The following WNT2B variants were observed in gnomAD, a reference collection of about 807,000 sequenced individuals.
WNT2B encodes the protein Wnt family member 2B.
Under a neutral mutation model 40.5 loss-of-function variants are expected in WNT2B, and 19 were observed. The observed-to-expected ratio is 0.47, with a 90% CI of 0.33 to 0.69. The LOEUF (loss-of-function observed/expected upper bound fraction) is 0.69, where lower values mean the gene tolerates loss of function less well. Among genes scored for constraint, WNT2B ranks in the 30% least tolerant of loss-of-function variants. WNT2B has a pLI of 0.02. For synonymous variants in WNT2B, 220 were observed against 211.9 expected (o/e 1.04, Z -0.33); for missense variants, 467 against 556.4 (o/e 0.84, Z 1.62).
chr1:112,526,238 C>CAAAAGAGCCATTGG lies in WNT2B; in HGVS notation c.*5729_*5730insAAAAGAGCCATTGG. The CAAAAGAGCCATTGG allele has an allele frequency of 7.6e-7, 1 of 1,319,074 alleles. No homozygotes were observed. Among genetic ancestry groups the CAAAAGAGCCATTGG allele is most frequent in the Non-Finnish European group, 1.0e-6 (1 of 964,776 alleles). 81.7% of individuals were successfully genotyped at this position (1,319,074 alleles called of 1,614,324 possible). The stretch of plus-strand genomic sequence containing the variant: ...CCTCCTGAACCTTATCAACCAATGG[C>CAAAAGAGCCATTGG]TCTTTTGCCATTTCTGCCACTATTA... On this transcript the variant is annotated 3_prime_UTR_variant, in exon 5 of 5. Transcript: ENST00000369684.
In WNT2B at chr1:112,484,312, G is replaced by T. The variant is rs189807439; in HGVS notation, c.-95+16721G>T. Among the ~76,000 whole-genome samples the T allele has an allele frequency of 8.5e-3, 1,120 of 131,292 alleles. 25 individuals carry two copies. Among genetic ancestry groups the T allele is most frequent in the African/African-American group, 0.033 (1,043 of 31,910 alleles). 86.1% of individuals were successfully genotyped at this position (131,292 alleles called of 152,430 possible). A position where few individuals can be genotyped will look rare whatever the true frequency, so the allele number is the denominator to read the frequency against. On this transcript the variant is annotated intron_variant, in intron 1 of 4. Coordinates refer to the WNT2B transcript ENST00000256640. ...ATATACACACACATATATATAGAGA[G>T]AGAGAGAGAGAAGAGGGTCTCACTT...
intron 1 of WNT2B, among the ~76,000 whole-genome samples, chr1:112,486,509 A>C (rs1296323936): frequency 6.6e-6 from 1 of 152,202 alleles, no homozygotes; most frequent in Non-Finnish European, 1.5e-5. Flanking sequence ...GATAAATTGG[A>C]CTTTATCAAA....
rs1224736280 is a variant in WNT2B, at chr1:112,514,863, C to T, written c.183-11C>T. On this transcript the variant is annotated splice_polypyrimidine_tract_variant and intron_variant, in intron 1 of 4. Transcript: ENST00000369684. ...CTGGGATGTTCTGACAGGGCCATCT[C>T]TGCCTTGCAGGTACATTGGGGCACT... The T allele has an allele frequency of 2.5e-6, 4 of 1,614,070 alleles. No homozygotes were observed. The Admixed American group carries it at 6.7e-5, about 27-fold the overall frequency.
intron 1 of WNT2B, among the ~76,000 whole-genome samples, chr1:112,501,649 G>A (rs529180303): frequency 7.5e-6 from 1 of 132,820 alleles, no homozygotes; most frequent in South Asian, 3.2e-4. Flanking sequence ...TGGCTCCTGA[G>A]TTTATGTTAA....
At chr1:112,485,229 T>C (rs1481796586) in intron 1 of WNT2B, among the ~76,000 whole-genome samples, 1 of 152,128 alleles carries the variant, frequency 6.6e-6, no homozygotes, top group Non-Finnish European at 1.5e-5. Flanking sequence ...GGGAGGCCAA[T>C]GCTGGCAGAT....
intron 1 of WNT2B, among the ~76,000 whole-genome samples, chr1:112,478,747 C>G (rs1448273973): frequency 6.6e-6 from 1 of 151,972 alleles, no homozygotes; most frequent in African/African-American, 2.4e-5. Flanking sequence ...ATGGCAAAAC[C>G]TCATCTCCAC....
chr1:112,516,537 GCCC>G, intron 3 of WNT2B, 120 bp downstream of exon 3: 1 of 1,343,096 alleles, frequency 7.4e-7, no homozygotes, highest in Non-Finnish European at 1.0e-6. Context: ...ACTTCCAAAA[GCCC>G]CAACATCCTG....
chr1:112,529,643 C>T lies in WNT2B; in HGVS notation c.*9134C>T, dbSNP rs1421505147. 6.7e-6 allele frequency: 1 copy of T among 149,334 alleles called. No individual in the cohort carries two copies. The highest frequency in any genetic ancestry group is 2.5e-5 in the African/African-American group (1 of 40,434). 9.3% of individuals were successfully genotyped at this position (149,334 alleles called of 1,614,324 possible). ...GTCTCAACTTGTATAACTGGTTAAG[C>T]AACCAGGGAAATGTTATTGCTCAAA... On this transcript the variant is annotated 3_prime_UTR_variant, in exon 5 of 5. Coordinates refer to ENST00000369684, the MANE Select transcript of WNT2B (RefSeq NM_024494.3).
chr1:112,519,237 A>G lies in WNT2B; in HGVS notation c.947-1043A>G, dbSNP rs537161932. Among the ~76,000 whole-genome samples, 3 of 152,332 alleles carry G rather than the reference A, an allele frequency of 2.0e-5. No individual in the cohort carries two copies. The South Asian group carries it at 6.2e-4, about 32-fold the overall frequency. The stretch of plus-strand genomic sequence containing the variant: ...ATATATCTCCATTATATGTATATTT[A>G]TTTATACCTGTGTTCCACTATATGA... On this transcript the variant is annotated intron_variant, in intron 4 of 4. Transcript: ENST00000369684.
Position 112,491,489 on chromosome 1 carries a change from A to G in WNT2B, c.-94-23385A>G, listed in dbSNP as rs190751854. ...TGTTGAACTGTTCAGGAAAGACTAC[A>G]TGGAATAGGGCCTTGAAAGAAGGGC... On this transcript the variant is annotated intron_variant, in intron 1 of 4. Transcript: ENST00000256640. Among the ~76,000 whole-genome samples, 34 of 152,334 alleles carry G rather than the reference A, an allele frequency of 2.2e-4. No individual in the cohort carries two copies. The East Asian group carries it at 5.6e-3, about 25-fold the overall frequency.
chr1:112,499,593 C>A (rs978256797), intron 1 of WNT2B, among the ~76,000 whole-genome samples: 1 of 152,194 alleles, frequency 6.6e-6, no homozygotes, highest in South Asian at 2.1e-4. Context: ...CAAAACCCCA[C>A]ACCCATTCAT....
intron 1 of WNT2B, among the ~76,000 whole-genome samples, chr1:112,493,295 T>G (rs975160580): frequency 6.6e-6 from 1 of 152,160 alleles, no homozygotes; most frequent in South Asian, 2.1e-4. Flanking sequence ...GGAAAGAGGC[T>G]CTGCACATAA....
rs763797896 is a variant in WNT2B at position 112,513,232 on chromosome 1, CCAAA to C, written c.183-1637_183-1634del. Among the ~76,000 whole-genome samples the C allele has an allele frequency of 2.6e-5, 4 of 152,328 alleles. No individual in the cohort carries two copies. In the South Asian group the frequency reaches 8.3e-4, roughly 32 times the overall value. On this transcript the variant is annotated intron_variant, in intron 1 of 4. Transcript: ENST00000369684. ...CTCCAACTCCAACGGTCTTGATTCT[CCAAA>C]CAAAGCACCACAGCAGTGGGTGTAA...
chr1:112,471,026 G>A (rs767547101), intron 1 of WNT2B, among the ~76,000 whole-genome samples: 3 of 152,146 alleles, frequency 2.0e-5, no homozygotes, highest in Non-Finnish European at 4.4e-5. Context: ...TGCACATTTG[G>A]GTCCAGCCAG....
rs900167230 is a variant in WNT2B at position 112,509,835 on chromosome 1, G to T, written c.182+391G>T. Among the ~76,000 whole-genome samples the T allele has an allele frequency of 6.6e-6, 1 of 152,166 alleles. No individual in the cohort carries two copies. Among genetic ancestry groups the T allele is most frequent in the Non-Finnish European group, 1.5e-5 (1 of 68,038 alleles). On this transcript the variant is annotated intron_variant, in intron 1 of 4. Coordinates refer to ENST00000369684, the MANE Select transcript of WNT2B (RefSeq NM_024494.3). This position sits in a 1 kb window ranked among gnomAD's most constrained non-coding sequence, Gnocchi z 4.2. ...GCCAGGGCCCCAATCGCCTAAGGTC[G>T]CCCTCTGAGAGGTGGAGAAAGGGGC...
chr1:112,506,405 G>C (rs1056069836), upstream of WNT2B, among the ~76,000 whole-genome samples: 1 of 152,222 alleles, frequency 6.6e-6, no homozygotes, highest in Admixed American at 6.5e-5. Flanking sequence ...AAGTGATTTG[G>C]GGGCCCATGT....
At chr1:112,488,645 G>A (rs1021699872) in intron 1 of WNT2B, among the ~76,000 whole-genome samples, 6 of 150,220 alleles carry the variant, frequency 4.0e-5, no homozygotes, top group Admixed American at 1.3e-4. Context: ...TCCACCACCC[G>A]GGTTCACACC....
rs533376003 is a variant in WNT2B, at chr1:112,520,152, A to ATTT, written c.947-127_947-126insTTT. On this transcript the variant is annotated intron_variant, in intron 4 of 4. Coordinates refer to ENST00000369684, the MANE Select transcript of WNT2B (RefSeq NM_024494.3). ...CTTCCAAAATGCTGGGATGATAGGCATGAGTGAGCCACTGTGCCCAGCCCA... is the reference window on the plus strand; with the variant it reads ...CTTCCAAAATGCTGGGATGATAGGCATTTTGAGTGAGCCACTGTGCCCAGCCCA... 187 of 845,834 alleles carry ATTT rather than the reference A, an allele frequency of 2.2e-4. No individual in the cohort carries two copies. The East Asian group carries it at 4.7e-3, about 21-fold the overall frequency. The allele number at this position is 845,834 out of a possible 1,614,324, so 52.4% of individuals were successfully genotyped here.
upstream of WNT2B, among the ~76,000 whole-genome samples, chr1:112,505,610 G>A (rs1356965968): frequency 2.0e-5 from 3 of 152,226 alleles, no homozygotes; most frequent in South Asian, 2.1e-4. Flanking sequence ...AAGCCTTTGC[G>A]TGAGGAGCTG....
Sources: gnomAD v4.1 joint callset for allele counts (sites outside exome capture counted in the v4.1 genomes callset) on GRCh38, gnomAD v4.1.1 for gene constraint, Gnocchi (gnomAD v3.1) non-coding constraint, MANE v1.5 for transcripts, NCBI Gene and HGNC (gene_info 2026-07-23, HGNC 2026-07-21) for gene names.